SCTR: variants seen among roughly 807,000 people sequenced by gnomAD.
SCTR encodes the protein pancreatic secretin receptor.
SCTR carries 56 observed loss-of-function variants against 60.8 expected under a neutral mutation model. That is an observed-to-expected ratio of 0.92 (90% CI 0.74 to 1.15). The LOEUF is 1.15. Ranked by LOEUF, SCTR falls within the 50% of genes most tolerant of loss-of-function variation. SCTR has a pLI of 0.00. For synonymous variants in SCTR, 202 were observed against 217.0 expected (o/e 0.93, Z 0.61); for missense variants, 562 against 550.4 (o/e 1.02, Z -0.21).
intron 7 of SCTR, among the ~76,000 whole-genome samples, chr2:119,453,659 C>T (rs555279645): frequency 5.8e-4 from 88 of 152,304 alleles, no homozygotes; most frequent in Admixed American, 2.5e-3. Context: ...GGCTGGGACT[C>T]CTGGGCAGGC....
At chr2:119,441,742 G>A (rs548021037) in intron 11 of SCTR, 143 bp from the exon 12 acceptor site, 5 of 731,942 alleles carry the variant, frequency 6.8e-6, no homozygotes, top group South Asian at 3.2e-5. Context: ...CTGGGAATTA[G>A]GCTACCTCTT....
At chr2:119,512,930 G>A (rs1413235373) in intron 1 of SCTR, among the ~76,000 whole-genome samples, 29 of 152,246 alleles carry the variant, frequency 1.9e-4, no homozygotes, top group Admixed American at 1.8e-3. Flanking sequence ...GTTTCCTTGA[G>A]GCACTTTTCT....
chr2:119,521,525 G>A (rs1679286622), intron 1 of SCTR, among the ~76,000 whole-genome samples: 1 of 152,098 alleles, frequency 6.6e-6, no homozygotes, highest in Non-Finnish European at 1.5e-5. Flanking sequence ...AGATGTATGG[G>A]GGTGGGGCCG....
At chr2:119,478,693 C>G (rs1445414631) in intron 3 of SCTR, 118 bp downstream of exon 3, 10 of 819,214 alleles carry the variant, frequency 1.2e-5, no homozygotes, top group Non-Finnish European at 2.0e-5. Context: ...TCTCCCCCAT[C>G]ATTGTACCCA....
chr2:119,514,500 T>A (rs554092218), intron 1 of SCTR, among the ~76,000 whole-genome samples: 1 of 152,310 alleles, frequency 6.6e-6, no homozygotes, highest in South Asian at 2.1e-4. Flanking sequence ...AAGTGGGTTC[T>A]GTTAGCTATT....
At chr2:119,524,097 A>G (rs963227835) in intron 1 of SCTR, 58 bp downstream of exon 1, 2 of 1,396,328 alleles carry the variant, frequency 1.4e-6, no homozygotes, top group African/African-American at 2.9e-5. Flanking sequence ...GAGGCCGGAG[A>G]AAGGGCGAGA....
In SCTR at chr2:119,453,336, T is replaced by A. The variant is rs1193610708; in HGVS notation, c.802A>T (p.Ile268Phe). 1 of 1,613,644 alleles carries A rather than the reference T, an allele frequency of 6.2e-7. No homozygotes were observed. The highest frequency in any genetic ancestry group is 1.7e-5 in the Admixed American group (1 of 60,012). Reference protein sequence around the residue: ...FVAFGWGSPAIFVALWAIARH... With the variant: ...FVAFGWGSPAFFVALWAIARH... Reference sequence around the variant, plus strand: ...GCAATAGCCCACAAAGCAACAAAAATGGCTGGAGAACCTGAGGATTAAAAA... The same window carrying A: ...GCAATAGCCCACAAAGCAACAAAAAAGGCTGGAGAACCTGAGGATTAAAAA... The change falls in exon 8 of 13, where the codon ATT becomes TTT. Residue 268 changes from isoleucine to phenylalanine, a missense_variant. Ile to Phe is a conservative substitution (Grantham distance 21). Coordinates refer to ENST00000019103, the MANE Select transcript of SCTR (RefSeq NM_002980.3).
intron 12 of SCTR, 27 bp from the exon 13 acceptor site, chr2:119,440,284 A>C: frequency 6.2e-7 from 1 of 1,603,050 alleles, no homozygotes; most frequent in Non-Finnish European, 8.5e-7. Context: ...CCATCAGCCC[A>C]GGAGGAGAGG....
intron 6 of SCTR, 57 bp downstream of exon 6, chr2:119,464,066 C>A: frequency 6.3e-7 from 1 of 1,596,102 alleles, no homozygotes; most frequent in Non-Finnish European, 8.6e-7. Context: ...CTCTCCAAAG[C>A]TAGGCTGGGG....
chr2:119,494,145 C>G (rs1233430359), intron 2 of SCTR, among the ~76,000 whole-genome samples: 3 of 152,170 alleles, frequency 2.0e-5, no homozygotes, highest in Non-Finnish European at 4.4e-5. Context: ...TCCCACCAAG[C>G]TCTTACGTTG....
intron 4 of SCTR, among the ~76,000 whole-genome samples, chr2:119,472,913 G>A (rs1025303796): frequency 1.3e-5 from 2 of 152,082 alleles, no homozygotes; most frequent in Non-Finnish European, 1.5e-5. Flanking sequence ...GGTGTAAGCC[G>A]CCACACCCGG....
chr2:119,501,584 G>A (rs1207636665), intron 1 of SCTR, among the ~76,000 whole-genome samples: 1 of 152,074 alleles, frequency 6.6e-6, no homozygotes, highest in Non-Finnish European at 1.5e-5. Context: ...ATGATAGTTA[G>A]CAATAATTTA....
intron 1 of SCTR, among the ~76,000 whole-genome samples, chr2:119,496,923 G>A (rs757894060): frequency 1.6e-4 from 24 of 152,264 alleles, no homozygotes; most frequent in South Asian, 4.1e-4. Flanking sequence ...GAGGTGATAC[G>A]TGTGTTTCAC....
intron 3 of SCTR, among the ~76,000 whole-genome samples, chr2:119,475,322 C>T (rs1428155075): frequency 6.6e-6 from 1 of 152,188 alleles, no homozygotes; most frequent in Non-Finnish European, 1.5e-5. Context: ...CAGCGCGTGC[C>T]TAGAGGCTGG....
In SCTR at chr2:119,496,861, G is replaced by A. The variant is rs554936433; in HGVS notation, c.73-2313C>T. On this transcript the variant is annotated intron_variant, in intron 1 of 12. Transcript: ENST00000019103. ...CCTGGAAAGGTGAAGTAGGGAGTCC[G>A]GACCCCCACCCTTGCCAAGCCATAA... Among the ~76,000 whole-genome samples the A allele has an allele frequency of 5.9e-5, 9 of 152,220 alleles. No individual in the cohort carries two copies. The South Asian group carries it at 1.2e-3, about 21-fold the overall frequency.
intron 4 of SCTR, among the ~76,000 whole-genome samples, chr2:119,471,466 T>G (rs1677008289): frequency 6.6e-6 from 1 of 152,196 alleles, no homozygotes; most frequent in Non-Finnish European, 1.5e-5. Flanking sequence ...CCCAATGGGA[T>G]GACAAGCCCT....
intron 1 of SCTR, among the ~76,000 whole-genome samples, chr2:119,494,926 T>A (rs1474676061): frequency 6.6e-6 from 1 of 152,234 alleles, no homozygotes; most frequent in African/African-American, 2.4e-5. Context: ...TTTTTTGTTT[T>A]CTTTGGTCTT....
chr2:119,443,562 T>C (rs1351810055), intron 11 of SCTR, among the ~76,000 whole-genome samples: 1 of 152,242 alleles, frequency 6.6e-6, no homozygotes, highest in Non-Finnish European at 1.5e-5. Flanking sequence ...ATATTTTTTT[T>C]TGGAGACGGA....
rs1445793763 is a variant in SCTR, at chr2:119,446,745, T to A, written c.1140+14A>T. The A allele has an allele frequency of 6.7e-7, 1 of 1,503,412 alleles. No homozygotes were observed. The highest frequency in any genetic ancestry group is 1.4e-5 in the African/African-American group (1 of 70,624). 93.1% of individuals were successfully genotyped at this position (1,503,412 alleles called of 1,614,324 possible). ...TCCTCTTTTCAGCTGGCAGCCCCAG[T>A]CCTGGAAACTTACCTGGAATGAGCC... On this transcript the variant is annotated intron_variant, in intron 11 of 12. Transcript: ENST00000019103.
Sources: gnomAD v4.1 joint callset for allele counts (sites outside exome capture counted in the v4.1 genomes callset) on GRCh38, gnomAD v4.1.1 for gene constraint, MANE v1.5 for transcripts, NCBI Gene and HGNC (gene_info 2026-07-23, HGNC 2026-07-21) for gene names.